ZNF561: variants seen among roughly 807,000 people sequenced by gnomAD.
ZNF561 encodes the protein zinc finger protein 561.
ZNF561 carries 16 observed loss-of-function variants against 16.7 expected under a neutral mutation model. The ratio of observed to expected loss-of-function variants is 0.96; its 90% confidence interval spans 0.65 to 1.45. ZNF561 has a LOEUF of 1.45. Among genes scored for constraint, ZNF561 ranks in the 40% most tolerant of loss-of-function variants. ZNF561 has a pLI of 0.00. For missense variants in ZNF561, 580 were observed against 578.0 expected, an observed-to-expected ratio of 1.00 and a Z score of -0.04; for synonymous variants, 190 against 192.1, an observed-to-expected ratio of 0.99 and a Z score of 0.09.
At chr19:9,618,393 G>T (rs557615827) in intron 2 of ZNF561, among the ~76,000 whole-genome samples, 1 of 152,202 alleles carries the variant, frequency 6.6e-6, no homozygotes, top group South Asian at 2.1e-4. Flanking sequence ...TTGGGTAAAG[G>T]GTAATAGTTT....
rs2074441406 is a variant in ZNF561, at chr19:9,610,929, T to G, written c.732A>C (p.Val244=). 6.2e-7 allele frequency: 1 copy of G among 1,614,236 alleles called. No homozygotes were observed. Among genetic ancestry groups the G allele is most frequent in the Non-Finnish European group, 8.5e-7 (1 of 1,180,042 alleles). ...TGGATTTCTTTCCTGTATGAACTGC[T>G]ACACACTGCTTTAGGTGTGAAGAAG... The part of the protein sequence containing the change: ...VTASSHLKQC[V]AVHTGKKSKK... Residue 244 remains valine, a synonymous_variant, in exon 6 of 6, where the codon GTA becomes GTC. Transcript: ENST00000302851.
intron 4 of ZNF561, 75 bp from the exon 5 acceptor site, chr19:9,614,178 T>A: frequency 6.4e-7 from 1 of 1,555,440 alleles, no homozygotes; most frequent in Non-Finnish European, 8.8e-7. Context: ...TTTTTACTTG[T>A]TTTCAAATTA....
At chr19:9,616,122 T>G (rs2074549014) in intron 4 of ZNF561, among the ~76,000 whole-genome samples, 3 of 152,192 alleles carry the variant, frequency 2.0e-5, no homozygotes, top group Admixed American at 2.0e-4. Context: ...TGATGAAGTT[T>G]CCAGGATTAC....
chr19:9,609,555 A>G lies in ZNF561; in HGVS notation c.*645T>C, dbSNP rs2144862151. ...GATAAAGAGATCATGAGTGGGATTCATGGACTATATCAGCCACCTTGACAG... is the reference window on the plus strand; with the variant it reads ...GATAAAGAGATCATGAGTGGGATTCGTGGACTATATCAGCCACCTTGACAG... On this transcript the variant is annotated 3_prime_UTR_variant, in exon 6 of 6. Transcript: ENST00000302851. The G allele has an allele frequency of 1.3e-5, 2 of 152,370 alleles. No homozygotes were observed. The highest frequency in any genetic ancestry group is 4.1e-4 in the South Asian group (2 of 4,832). The allele number at this position is 152,370 out of a possible 1,614,324, so 9.4% of individuals were successfully genotyped here. A position where few individuals can be genotyped will look rare whatever the true frequency, so the allele number is the denominator to read the frequency against.
rs1599216345 is a variant in ZNF561, at chr19:9,609,945, T to C, written c.*255A>G. On this transcript the variant is annotated 3_prime_UTR_variant, in exon 6 of 6. Transcript: ENST00000302851. ...ATTTATCTCATACACAACTTGTTAA[T>C]GCTATGATCTTAGGAATCTAATCAC... 2.8e-6 allele frequency: 1 copy of C among 353,056 alleles called. No individual in the cohort carries two copies. The highest frequency in any genetic ancestry group is 5.2e-6 in the Non-Finnish European group (1 of 193,686). 21.9% of individuals were successfully genotyped at this position (353,056 alleles called of 1,614,324 possible).
chr19:9,613,621 C>G (rs546783035), intron 5 of ZNF561, among the ~76,000 whole-genome samples: 1 of 152,064 alleles, frequency 6.6e-6, no homozygotes, highest in East Asian at 1.9e-4. Flanking sequence ...GTGTTCATGC[C>G]ATTCTCCTGT....
At chr19:9,620,028 A>C (rs2074640905) in intron 1 of ZNF561, among the ~76,000 whole-genome samples, 1 of 152,064 alleles carries the variant, frequency 6.6e-6, no homozygotes, top group South Asian at 2.1e-4. Context: ...TCCCGGGCTC[A>C]AGTGATCCTC....
Position 9,608,240 on chromosome 19 carries a change from A to C in ZNF561, c.*1960T>G. 1 of 126,788 alleles carries C rather than the reference A, an allele frequency of 7.9e-6. No individual in the cohort carries two copies. Among genetic ancestry groups the C allele is most frequent in the African/African-American group, 2.9e-5 (1 of 34,252 alleles). 7.9% of individuals were successfully genotyped at this position (126,788 alleles called of 1,614,324 possible). The stretch of plus-strand genomic sequence containing the variant: ...TGGGTAGGGGGAGGGAGGGGGAGGG[A>C]GGGGAAGGAGAGAGATGGTGGGGAG... On this transcript the variant is annotated 3_prime_UTR_variant, in exon 6 of 6. Transcript: ENST00000302851.
At chr19:9,615,029 G>A (rs1431371789) in intron 4 of ZNF561, among the ~76,000 whole-genome samples, 1 of 151,712 alleles carries the variant, frequency 6.6e-6, no homozygotes, top group Non-Finnish European at 1.5e-5. Flanking sequence ...TAGTAGAGAT[G>A]GGGTTTCACA....
Position 9,618,081 on chromosome 19 carries a change from T to G in ZNF561, c.114+10A>C, listed in dbSNP as rs2074591024. The G allele has an allele frequency of 1.9e-6, 3 of 1,549,808 alleles. No homozygotes were observed. Among genetic ancestry groups the G allele is most frequent in the Non-Finnish European group, 2.6e-6 (3 of 1,145,688 alleles). The stretch of plus-strand genomic sequence containing the variant: ...ATATCATTTTTAACAACAGTACGTT[T>G]TCTGCTTACCTGATAACCACTTGCC... On this transcript the variant is annotated intron_variant, in intron 3 of 5. Coordinates refer to ENST00000302851, the MANE Select transcript of ZNF561 (RefSeq NM_152289.3).
intron 5 of ZNF561, among the ~76,000 whole-genome samples, chr19:9,612,048 C>G (rs546423594): frequency 1.3e-5 from 2 of 152,228 alleles, no homozygotes; most frequent in African/African-American, 4.8e-5. Context: ...CTGCCTCAGC[C>G]TCCTGAGTAG....
intron 5 of ZNF561, 114 bp from the exon 6 acceptor site, chr19:9,611,450 AT>A (rs921842904): frequency 5.7e-5 from 65 of 1,149,282 alleles, no homozygotes; most frequent in Middle Eastern, 2.6e-4. Context: ...TTAATATTTA[AT>A]TTTTTTTTCT....
At chr19:9,619,921 CCTAT>C (rs372679906) in intron 1 of ZNF561, among the ~76,000 whole-genome samples, 8 of 116,140 alleles carry the variant, frequency 6.9e-5, no homozygotes, top group African/African-American at 1.1e-4. Flanking sequence ...CTATATCTAT[CCTAT>C]CTATCTATCT....
intron 1 of ZNF561, among the ~76,000 whole-genome samples, chr19:9,619,899 A>ATATATCTATCTATATC (rs1435488789): frequency 7.4e-5 from 7 of 94,632 alleles, no homozygotes; most frequent in Non-Finnish European, 1.0e-4. Context: ...ATATCTATCT[A>ATATATCTATCTATATC]TATCTATCTA....
At position 9,617,400 on chromosome 19, in the gene ZNF561, T is replaced by C; in HGVS notation, c.115-229A>G. The C allele has an allele frequency of 3.1e-6, 3 of 973,102 alleles. No individual in the cohort carries two copies. The East Asian group carries it at 1.3e-4, about 41-fold the overall frequency. The allele number at this position is 973,102 out of a possible 1,614,324, so 60.3% of individuals were successfully genotyped here. On this transcript the variant is annotated intron_variant, in intron 3 of 5. Coordinates refer to ENST00000302851, the MANE Select transcript of ZNF561 (RefSeq NM_152289.3). ...TTTAAAATTTTTTTAAATCTTTTTT[T>C]GCTGATCTATTTTTAATTTTTTAAT...
In ZNF561 at chr19:9,610,341, C is replaced by T. The variant is rs764204601; in HGVS notation, c.1320G>A (p.Leu440=). 2 of 1,614,174 alleles carry T rather than the reference C, an allele frequency of 1.2e-6. No homozygotes were observed. Among genetic ancestry groups the T allele is most frequent in the South Asian group, 1.1e-5 (1 of 91,084 alleles). The change falls in exon 6 of 6, where the codon CTG becomes CTA. Residue 440 remains leucine (L), a synonymous_variant. Coordinates refer to ENST00000302851, the MANE Select transcript of ZNF561 (RefSeq NM_152289.3). ...FLYSSRLNVH[L]RTHTGEKPFV... Reference sequence around the variant, plus strand: ...AGGGTTTCTCTCCGGTATGAGTTCGCAGGTGAACATTAAGGCGTGAGGAAT... The same window carrying T: ...AGGGTTTCTCTCCGGTATGAGTTCGTAGGTGAACATTAAGGCGTGAGGAAT...
At chr19:9,616,179 T>C (rs1325320832) in intron 4 of ZNF561, among the ~76,000 whole-genome samples, 6 of 152,258 alleles carry the variant, frequency 3.9e-5, no homozygotes, top group Non-Finnish European at 5.9e-5. Context: ...ACTTTGGGAC[T>C]GTCTCTGTTA....
At chr19:9,612,943 A>G (rs1036185610) in intron 5 of ZNF561, among the ~76,000 whole-genome samples, 1 of 151,926 alleles carries the variant, frequency 6.6e-6, no homozygotes, top group Non-Finnish European at 1.5e-5. Context: ...TTACAGGTGC[A>G]TGCCAACACG....
chr19:9,616,261 G>C (rs1229610696), intron 4 of ZNF561, among the ~76,000 whole-genome samples: 1 of 152,052 alleles, frequency 6.6e-6, no homozygotes. Flanking sequence ...TACAAGAAAT[G>C]ATGCTAGTGT....
Sources: allele counts gnomAD v4.1 joint callset (sites outside exome capture counted in the v4.1 genomes callset), GRCh38; gene constraint gnomAD v4.1.1; transcripts MANE v1.5; gene names NCBI Gene and HGNC (gene_info 2026-07-23, HGNC 2026-07-21).